The following KHDRBS2 variants were observed in gnomAD, a reference collection of about 807,000 sequenced individuals.
The protein encoded by KHDRBS2 is KH domain-containing, RNA-binding, signal transduction-associated protein 2.
In KHDRBS2, 26 loss-of-function variants were observed where a neutral mutation model predicts 44.3. That is an observed-to-expected ratio of 0.59 (90% CI 0.43 to 0.81). The LOEUF (loss-of-function observed/expected upper bound fraction) is 0.81. Ranked by LOEUF, KHDRBS2 falls within the 40% of genes least tolerant of loss-of-function variation. The pLI is 0.00. For synonymous variants in KHDRBS2, 194 were observed against 151.1 expected (o/e 1.28, Z -2.08); for missense variants, 476 against 433.1 (o/e 1.10, Z -0.88).
intron 2 of KHDRBS2, among the ~76,000 whole-genome samples, chr6:62,074,644 G>T (rs1218576810): frequency 1.3e-5 from 2 of 151,742 alleles, no homozygotes; most frequent in African/African-American, 4.8e-5. Flanking sequence ...GAACTTTAAA[G>T]TTTTTAAAAA....
intron 6 of KHDRBS2, among the ~76,000 whole-genome samples, chr6:61,759,671 T>G (rs1441333402): frequency 1.3e-5 from 2 of 152,196 alleles, no homozygotes; most frequent in African/African-American, 4.8e-5. Context: ...AACACTAAAC[T>G]ATTTGGGAAA....
chr6:61,855,930 G>T (rs1025791647), intron 6 of KHDRBS2, among the ~76,000 whole-genome samples: 3 of 151,790 alleles, frequency 2.0e-5, no homozygotes, highest in African/African-American at 7.3e-5. Context: ...TTGGTTATTG[G>T]GATCTCCTCT....
chr6:61,976,365 TAC>T (rs1248549901), intron 4 of KHDRBS2, among the ~76,000 whole-genome samples: 3 of 152,102 alleles, frequency 2.0e-5, no homozygotes, highest in Non-Finnish European at 4.4e-5. Context: ...ATGAAATACT[TAC>T]AAGAATCATT....
intron 3 of KHDRBS2, among the ~76,000 whole-genome samples, chr6:61,979,539 A>G (rs1399652614): frequency 6.6e-6 from 1 of 152,114 alleles, no homozygotes; most frequent in Non-Finnish European, 1.5e-5. Flanking sequence ...AAGATGAAGG[A>G]TCCATGAAAG....
chr6:62,284,552 A>C (rs955272694), intron 1 of KHDRBS2, among the ~76,000 whole-genome samples: 1 of 151,612 alleles, frequency 6.6e-6, no homozygotes, highest in African/African-American at 2.4e-5. Flanking sequence ...TTTAATTTAT[A>C]TTTTTTTTCA....
chr6:62,272,560 A>G (rs1840259041), intron 1 of KHDRBS2, among the ~76,000 whole-genome samples: 1 of 152,220 alleles, frequency 6.6e-6, no homozygotes, highest in Non-Finnish European at 1.5e-5. Context: ...CATGGATCAT[A>G]GCTTCACTGA....
chr6:61,816,351 G>A (rs1221225296), intron 6 of KHDRBS2, among the ~76,000 whole-genome samples: 1 of 151,962 alleles, frequency 6.6e-6, no homozygotes, highest in Non-Finnish European at 1.5e-5. Context: ...CCAAATGGCT[G>A]GTGTCCTAAT....
At chr6:61,861,205 C>G (rs1188443291) in intron 6 of KHDRBS2, among the ~76,000 whole-genome samples, 1 of 152,072 alleles carries the variant, frequency 6.6e-6, no homozygotes, top group African/African-American at 2.4e-5. Flanking sequence ...TGTGCAGAAG[C>G]TCTTTAGTTT....
chr6:62,199,036 A>AAT (rs1826319452), intron 1 of KHDRBS2, among the ~76,000 whole-genome samples: 1 of 152,214 alleles, frequency 6.6e-6, no homozygotes, highest in Non-Finnish European at 1.5e-5. Context: ...AAAATTCAAC[A>AAT]GCCCTTCATG....
chr6:61,560,575 T>C, the KHDRBS2 span, among the ~76,000 whole-genome samples: 1 of 152,212 alleles, frequency 6.6e-6, no homozygotes, highest in Non-Finnish European at 1.5e-5. Flanking sequence ...TTCTTCTTTT[T>C]AATTCATTCT....
At chr6:61,730,138 C>T (rs1028907678) in intron 7 of KHDRBS2, among the ~76,000 whole-genome samples, 1 of 152,014 alleles carries the variant, frequency 6.6e-6, no homozygotes, top group Admixed American at 6.6e-5. Context: ...TTCAACAAAT[C>T]TTTACTGAGA....
intron 6 of KHDRBS2, among the ~76,000 whole-genome samples, chr6:61,810,643 T>C (rs1787971979): frequency 6.6e-6 from 1 of 152,256 alleles, no homozygotes; most frequent in Non-Finnish European, 1.5e-5. Flanking sequence ...GATTATCAAA[T>C]ATGTACTGCT....
At chr6:62,166,564 GTATTAATAATCCCT>G (rs1818730369) in intron 2 of KHDRBS2, among the ~76,000 whole-genome samples, 1 of 151,934 alleles carries the variant, frequency 6.6e-6, no homozygotes, top group African/African-American at 2.4e-5. Flanking sequence ...CTTAATAAAA[GTATTAATAATCCCT>G]TATCTACATG....
chr6:62,118,424 T>C (rs1250328432), intron 2 of KHDRBS2, among the ~76,000 whole-genome samples: 1 of 152,220 alleles, frequency 6.6e-6, no homozygotes, highest in East Asian at 1.9e-4. Context: ...TCTTTTTTTA[T>C]TGCTAAGGAG....
intron 2 of KHDRBS2, among the ~76,000 whole-genome samples, chr6:62,122,880 TTTTA>T (rs1294570113): frequency 2.3e-5 from 3 of 129,356 alleles, no homozygotes; most frequent in African/African-American, 9.4e-5. Context: ...ATTTATTTTA[TTTTA>T]TTTATTTACT....
chr6:62,038,498 T>TAATC (rs1019234249), intron 3 of KHDRBS2, among the ~76,000 whole-genome samples: 1 of 152,098 alleles, frequency 6.6e-6, no homozygotes, highest in Non-Finnish European at 1.5e-5. Flanking sequence ...CTGACAAAAA[T>TAATC]AGATTACTAT....
intron 6 of KHDRBS2, among the ~76,000 whole-genome samples, chr6:61,783,238 T>C (rs1382474374): frequency 6.6e-6 from 1 of 152,146 alleles, no homozygotes; most frequent in Non-Finnish European, 1.5e-5. Context: ...TCATTTCCTA[T>C]ACATTCTCAC....
At chr6:61,681,442 C>A (rs1766284162) in intron 8 of KHDRBS2, among the ~76,000 whole-genome samples, 1 of 151,820 alleles carries the variant, frequency 6.6e-6, no homozygotes, top group South Asian at 2.1e-4. Flanking sequence ...ATAACTAACA[C>A]CTGCTCTCTG....
chr6:62,166,764 A>T (rs1487192044), intron 2 of KHDRBS2, among the ~76,000 whole-genome samples: 1 of 152,072 alleles, frequency 6.6e-6, no homozygotes, highest in Non-Finnish European at 1.5e-5. Context: ...TCTCTTGATT[A>T]TAATGGTGAT....
Sources: gnomAD v4.1 joint callset for allele counts (sites outside exome capture counted in the v4.1 genomes callset) on GRCh38, gnomAD v4.1.1 for gene constraint, MANE v1.5 for transcripts, NCBI Gene and HGNC (gene_info 2026-07-23, HGNC 2026-07-21) for gene names.